HSD17B4: variants seen among roughly 807,000 people sequenced by gnomAD.
HSD17B4 encodes the protein hydroxysteroid 17-beta dehydrogenase 4.
In HSD17B4, 70 loss-of-function variants were observed where a neutral mutation model predicts 101.0. The observed-to-expected ratio is 0.69, with a 90% CI of 0.57 to 0.85. HSD17B4 has a LOEUF of 0.85. HSD17B4 is among the 40% of genes least tolerant of loss of function. The pLI, the probability that HSD17B4 is intolerant of heterozygous loss-of-function variation, is 0.00. For missense variants in HSD17B4, 984 were observed against 892.4 expected (o/e 1.10, Z -1.31); for synonymous variants, 347 against 297.1 (o/e 1.17, Z -1.73).
chr5:119,470,764 T>G (rs1756286126), intron 2 of HSD17B4, among the ~76,000 whole-genome samples: 1 of 152,224 alleles, frequency 6.6e-6, no homozygotes, highest in Non-Finnish European at 1.5e-5. Flanking sequence ...GATTCTTCTC[T>G]GCGGAGGAGA....
intron 17 of HSD17B4, among the ~76,000 whole-genome samples, chr5:119,522,295 AT>A (rs1753188379): frequency 6.6e-6 from 1 of 152,134 alleles, no homozygotes; most frequent in Non-Finnish European, 1.5e-5. Context: ...ATAGTATTTC[AT>A]GGTGTATATG....
intron 2 of HSD17B4, among the ~76,000 whole-genome samples, chr5:119,465,747 TGTAG>T (rs1439427819): frequency 2.0e-5 from 3 of 152,246 alleles, no homozygotes; most frequent in Non-Finnish European, 2.9e-5. Context: ...TTTTTCTATA[TGTAG>T]GATTGTGTCA....
intron 21 of HSD17B4, among the ~76,000 whole-genome samples, chr5:119,530,855 AAAAAAAAACAAAAAAC>A (rs1754019489): frequency 1.4e-5 from 2 of 146,576 alleles, no homozygotes; most frequent in South Asian, 4.5e-4. Flanking sequence ...CAAAAAAAAA[AAAAAAAAACAAAAAAC>A]AAAAAAAACC....
chr5:119,487,674 A>T (rs2126734518), intron 8 of HSD17B4, among the ~76,000 whole-genome samples: 2 of 152,200 alleles, frequency 1.3e-5, no homozygotes, highest in Middle Eastern at 6.8e-3. Context: ...AAGGTAATAG[A>T]TACTCTGTTG....
chr5:119,474,044 T>G (rs1748322713), intron 3 of HSD17B4, 29 bp downstream of exon 3: 2 of 1,141,304 alleles, frequency 1.8e-6, no homozygotes, highest in Non-Finnish European at 2.6e-6. Context: ...CTATACTATT[T>G]ATTTTCCTTC....
chr5:119,455,568 CTATA>C (rs1554059875), intron 1 of HSD17B4, among the ~76,000 whole-genome samples: 6 of 136,484 alleles, frequency 4.4e-5, no homozygotes, highest in African/African-American at 1.4e-4. Flanking sequence ...CTCTCTCTCT[CTATA>C]TATATATATA....
intron 16 of HSD17B4, among the ~76,000 whole-genome samples, chr5:119,512,261 A>G (rs975115173): frequency 2.0e-5 from 3 of 152,176 alleles, no homozygotes; most frequent in African/African-American, 7.2e-5. Flanking sequence ...TAATGGGTGT[A>G]TCAGAGACAG....
At position 119,515,815 on chromosome 5, in the gene HSD17B4, A is replaced by T. The variant is rs532613705; in HGVS notation, c.1503+769A>T. ...TGTTCAGAAAGGTCACTTTAAAAAA[A>T]TTTTTGGTTGTATTTTAGAAGAGAA... On this transcript the variant is annotated intron_variant, in intron 17 of 23. Coordinates refer to ENST00000510025, the MANE Select transcript of HSD17B4 (RefSeq NM_000414.4). Among the ~76,000 whole-genome samples, 24 of 152,250 alleles carry T rather than the reference A, an allele frequency of 1.6e-4. No individual in the cohort carries two copies. In the East Asian group the frequency reaches 2.1e-3, roughly 13 times the overall value.
At chr5:119,525,034 G>A (rs1482722013) in intron 17 of HSD17B4, among the ~76,000 whole-genome samples, 182 bp from the exon 18 acceptor site, 1 of 151,814 alleles carries the variant, frequency 6.6e-6, no homozygotes, top group Admixed American at 6.6e-5. Flanking sequence ...TTAGTGGCAA[G>A]TGTTAAAAAA....
intron 11 of HSD17B4, among the ~76,000 whole-genome samples, chr5:119,495,287 CA>C (rs1353296399): frequency 5.9e-5 from 9 of 152,096 alleles, no homozygotes; most frequent in African/African-American, 2.2e-4. Flanking sequence ...ATTTCTGCCT[CA>C]AAAGTGTTAA....
chr5:119,483,188 C>T (rs1749306442), intron 8 of HSD17B4, among the ~76,000 whole-genome samples: 1 of 152,100 alleles, frequency 6.6e-6, no homozygotes, highest in Non-Finnish European at 1.5e-5. Context: ...AGATTGGGCC[C>T]TCCTAAGATG....
intron 9 of HSD17B4, among the ~76,000 whole-genome samples, chr5:119,490,812 C>A (rs1266003279): frequency 6.6e-6 from 1 of 152,188 alleles, no homozygotes; most frequent in Non-Finnish European, 1.5e-5. Flanking sequence ...AAATAATCTG[C>A]CCGCCTTGGC....
chr5:119,480,395 G>A (rs1749009063), intron 8 of HSD17B4, among the ~76,000 whole-genome samples: 1 of 151,902 alleles, frequency 6.6e-6, no homozygotes, highest in South Asian at 2.1e-4. Context: ...TTTAAAGCTG[G>A]GTGTCCAGGG....
intron 7 of HSD17B4, 56 bp from the exon 8 acceptor site, chr5:119,478,778 T>A: frequency 6.9e-7 from 1 of 1,443,118 alleles, no homozygotes; most frequent in Non-Finnish European, 9.7e-7. Flanking sequence ...GAGTTAGAGT[T>A]GCAATGTTAT....
chr5:119,514,860 C>A, intron 16 of HSD17B4, 121 bp from the exon 17 acceptor site: 1 of 697,628 alleles, frequency 1.4e-6, no homozygotes, highest in Non-Finnish European at 2.6e-6. Flanking sequence ...TTTTTAAACC[C>A]TTTTATCCAA....
chr5:119,466,101 TTGA>T (rs1755781072), intron 2 of HSD17B4, among the ~76,000 whole-genome samples: 1 of 152,252 alleles, frequency 6.6e-6, no homozygotes, highest in Non-Finnish European at 1.5e-5. Context: ...CTTTGTTTTG[TTGA>T]TGTGATATCA....
rs1258480191 is a variant in HSD17B4, at chr5:119,464,021, ATTAT to A, written c.112+7663_112+7666del. On this transcript the variant is annotated intron_variant, in intron 2 of 23. Coordinates refer to ENST00000510025, the MANE Select transcript of HSD17B4 (RefSeq NM_000414.4). ...TTGCCATTTTAAAAATATACTGTTT[ATTAT>A]TTATTTATTAGGATTATTTATTTTT... Among the ~76,000 whole-genome samples the A allele has an allele frequency of 4.6e-5, 7 of 152,052 alleles. No individual in the cohort carries two copies. The South Asian group carries it at 1.0e-3, about 23-fold the overall frequency.
At chr5:119,486,930 T>C (rs1749662439) in intron 8 of HSD17B4, among the ~76,000 whole-genome samples, 1 of 152,200 alleles carries the variant, frequency 6.6e-6, no homozygotes, top group African/African-American at 2.4e-5. Context: ...CCCTTCATTG[T>C]GTGCTTGGTG....
chr5:119,515,875 G>A (rs1031748971), intron 17 of HSD17B4, among the ~76,000 whole-genome samples: 1 of 152,142 alleles, frequency 6.6e-6, no homozygotes, highest in Non-Finnish European at 1.5e-5. Flanking sequence ...GTAGAGGATA[G>A]GAGAAGGGAG....
Sources: allele counts gnomAD v4.1 joint callset (sites outside exome capture counted in the v4.1 genomes callset), GRCh38; gene constraint gnomAD v4.1.1; transcripts MANE v1.5; gene names NCBI Gene and HGNC (gene_info 2026-07-23, HGNC 2026-07-21).